The following RFX7 variants were observed in gnomAD, a reference collection of about 807,000 sequenced individuals.
RFX7 encodes regulatory factor X7.
Under a neutral mutation model 111.8 loss-of-function variants are expected in RFX7, and 26 were observed. The ratio of observed to expected loss-of-function variants is 0.23; its 90% CI spans 0.17 to 0.32. The LOEUF is 0.32. Ranked by LOEUF, RFX7 falls within the 10% of genes least tolerant of loss-of-function variation. The pLI is 1.00. For missense variants in RFX7, 1,573 were observed against 1,772.9 expected (o/e 0.89, Z 2.02); for synonymous variants, 624 against 624.4 (o/e 1.00, Z 0.01).
intron 5 of RFX7, among the ~76,000 whole-genome samples, chr15:56,141,689 A>ATATATAT (rs1270547103): frequency 7.3e-6 from 1 of 136,144 alleles, no homozygotes; most frequent in Non-Finnish European, 1.6e-5. Flanking sequence ...ATATATGCTG[A>ATATATAT]ATAAGGGCAA....
chr15:56,219,548 T>A (rs1447178892), intron 2 of RFX7, among the ~76,000 whole-genome samples: 1 of 152,190 alleles, frequency 6.6e-6, no homozygotes, highest in African/African-American at 2.4e-5. Context: ...CTAGTGTCTG[T>A]TGTTCTCTTC....
chr15:56,122,233 C>T (rs2042088220), intron 5 of RFX7, among the ~76,000 whole-genome samples: 1 of 152,140 alleles, frequency 6.6e-6, no homozygotes, highest in Non-Finnish European at 1.5e-5. Context: ...GAGATAACTG[C>T]ATTTGGGGGC....
At position 56,090,053 on chromosome 15, in the gene RFX7, A is replaced by C. The variant is rs1447520939; in HGVS notation, c.*3292T>G. On this transcript the variant is annotated 3_prime_UTR_variant, in exon 10 of 10. Transcript: ENST00000559447. ...TTTGCAGGAGCTGACATTTCTGGCT[A>C]CTTCGGCCTGCTTCCAGACCTGTAG... 1 of 152,172 alleles carries C rather than the reference A, an allele frequency of 6.6e-6. No individual in the cohort carries two copies. The highest frequency in any genetic ancestry group is 1.5e-5 in the Non-Finnish European group (1 of 68,032). 9.4% of individuals were successfully genotyped at this position (152,172 alleles called of 1,614,324 possible).
intron 5 of RFX7, among the ~76,000 whole-genome samples, chr15:56,114,699 A>G (rs2041985664): frequency 2.0e-5 from 3 of 152,044 alleles, no homozygotes. Context: ...GAGTTAAATT[A>G]TTTATATATA....
In RFX7 at chr15:56,094,170, A is replaced by G. The variant is rs779630476; in HGVS notation, c.3558T>C (p.Ser1186=). ...GGGTCACATTAGATCGTGGGATATT[A>G]GATACTGGATAGAGGGTGCTTCCAC... The part of the protein sequence containing the change: ...NLSGSTLYPV[S]NIPRSNVTPF... The change falls in exon 10 of 10, where the codon TCT becomes TCC. Residue 1186 remains serine, a synonymous_variant. Coordinates refer to ENST00000559447, the MANE Select transcript of RFX7 (RefSeq NM_022841.7). 3.5e-5 allele frequency: 57 copies of G among 1,613,838 alleles called. No individual in the cohort carries two copies. The highest frequency in any genetic ancestry group is 4.7e-5 in the Non-Finnish European group (56 of 1,179,896).
chr15:56,100,325 G>C (rs1478006024), intron 8 of RFX7, among the ~76,000 whole-genome samples: 1 of 152,172 alleles, frequency 6.6e-6, no homozygotes, highest in African/African-American at 2.4e-5. Flanking sequence ...TGAATAAACA[G>C]ACTTAGGTCA....
chr15:56,091,713 T>C lies in RFX7; in HGVS notation c.*1632A>G, dbSNP rs1270955349. The stretch of plus-strand genomic sequence containing the variant: ...TACCTAACAAATCATGAAATCAAGA[T>C]AACAGCAAACACACACAAATGCCAA... On this transcript the variant is annotated 3_prime_UTR_variant, in exon 10 of 10. Coordinates refer to ENST00000559447, the MANE Select transcript of RFX7 (RefSeq NM_022841.7). 1.3e-5 allele frequency: 2 copies of C among 152,444 alleles called. No homozygotes were observed. The highest frequency in any genetic ancestry group is 2.4e-5 in the African/African-American group (1 of 41,416). The allele number at this position is 152,444 out of a possible 1,614,324, so 9.4% of individuals were successfully genotyped here.
At position 56,140,629 on chromosome 15, in the gene RFX7, G is replaced by A. The variant is rs185891108; in HGVS notation, c.401+2149C>T. 8.0e-4 allele frequency among the ~76,000 whole-genome samples: 122 copies of A among 152,218 alleles called. 1 individual carries two copies. Among genetic ancestry groups the A allele is most frequent in the African/African-American group, 2.7e-3 (114 of 41,546 alleles). On this transcript the variant is annotated intron_variant, in intron 5 of 9. Coordinates refer to ENST00000559447, the MANE Select transcript of RFX7 (RefSeq NM_022841.7). Reference sequence around the variant, plus strand: ...ATTCGGCCATCTTGGCTCCTTCCCCGCTAAATCACTTTCTTTTATCTCTGT... The same window carrying A: ...ATTCGGCCATCTTGGCTCCTTCCCCACTAAATCACTTTCTTTTATCTCTGT...
chr15:56,212,002 C>T (rs1190709478), intron 2 of RFX7, among the ~76,000 whole-genome samples: 1 of 152,062 alleles, frequency 6.6e-6, no homozygotes, highest in African/African-American at 2.4e-5. Context: ...CCAGCAATTG[C>T]ACTTCATGAA....
chr15:56,101,997 G>A (rs895682678), intron 7 of RFX7, among the ~76,000 whole-genome samples, 172 bp downstream of exon 7: 20 of 151,998 alleles, frequency 1.3e-4, no homozygotes, highest in Non-Finnish European at 2.1e-4. Flanking sequence ...CAAATTTCAT[G>A]TTGACGTAGG....
Position 56,144,394 on chromosome 15 carries a change from G to A in RFX7, c.278+7C>T. The A allele has an allele frequency of 7.5e-7, 1 of 1,339,118 alleles. No individual in the cohort carries two copies. Among genetic ancestry groups the A allele is most frequent in the East Asian group, 4.6e-5 (1 of 21,876 alleles). The allele number at this position is 1,339,118 out of a possible 1,614,324, so 83.0% of individuals were successfully genotyped here. A position where few individuals can be genotyped will look rare whatever the true frequency, so the allele number is the denominator to read the frequency against. ...CATAATTATAGCAAAGACAAGAATA[G>A]ATATACCTTTTCTCTCCATTGCTGA... On this transcript the variant is annotated splice_region_variant and intron_variant, in intron 4 of 9. Transcript: ENST00000559447.
chr15:56,105,112 T>C (rs373926759), intron 5 of RFX7, among the ~76,000 whole-genome samples: 20 of 152,294 alleles, frequency 1.3e-4, no homozygotes, highest in African/African-American at 4.3e-4. Flanking sequence ...TGAGGCTCTT[T>C]TGCACCCCAG....
chr15:56,112,485 A>G (rs1453954123), intron 5 of RFX7, among the ~76,000 whole-genome samples: 1 of 151,776 alleles, frequency 6.6e-6, no homozygotes, highest in Non-Finnish European at 1.5e-5. Context: ...CCTTTCTTAC[A>G]CCTTATACAC....
At chr15:56,223,394 A>G (rs1321383462) in intron 2 of RFX7, among the ~76,000 whole-genome samples, 1 of 152,144 alleles carries the variant, frequency 6.6e-6, no homozygotes, top group Non-Finnish European at 1.5e-5. Context: ...TATTTCCCTC[A>G]GCTACAGTTT....
intron 3 of RFX7, among the ~76,000 whole-genome samples, chr15:56,149,812 T>C (rs2042542409): frequency 6.6e-6 from 1 of 151,982 alleles, no homozygotes; most frequent in South Asian, 2.1e-4. Context: ...TTTTTTTTTT[T>C]TCTTCTTTGC....
At chr15:56,216,535 C>T (rs1204048839) in intron 2 of RFX7, among the ~76,000 whole-genome samples, 3 of 152,144 alleles carry the variant, frequency 2.0e-5, no homozygotes, top group Admixed American at 2.0e-4. Flanking sequence ...GACCCCGGAA[C>T]ATTTAATACA....
At chr15:56,202,504 G>C (rs1365311420) in intron 2 of RFX7, among the ~76,000 whole-genome samples, 5 of 152,136 alleles carry the variant, frequency 3.3e-5, no homozygotes, top group Admixed American at 3.3e-4. Flanking sequence ...TGTCTCATGA[G>C]CTATACTTAA....
At chr15:56,239,337 C>G (rs532484455) in intron 2 of RFX7, among the ~76,000 whole-genome samples, 5 of 151,818 alleles carry the variant, frequency 3.3e-5, no homozygotes, top group African/African-American at 1.2e-4. Context: ...GGTGCAATCT[C>G]GGCTCACAGC....
intron 2 of RFX7, among the ~76,000 whole-genome samples, chr15:56,210,732 A>G (rs2899597): frequency 0.13 from 19,786 of 152,142 alleles, 1,673 homozygotes; most frequent in East Asian, 0.44. Context: ...TTTGAGAGAA[A>G]TTGTAAAATA....
Sources: allele counts gnomAD v4.1 joint callset (sites outside exome capture counted in the v4.1 genomes callset), GRCh38; gene constraint gnomAD v4.1.1; transcripts MANE v1.5; gene names NCBI Gene and HGNC (gene_info 2026-07-23, HGNC 2026-07-21).